The following DNAJC11 variants were observed in gnomAD, a reference collection of about 807,000 sequenced individuals.
DNAJC11 encodes the protein DnaJ heat shock protein family (Hsp40) member C11.
A neutral mutation model predicts 78.6 loss-of-function variants in DNAJC11; 15 were observed. That is an observed-to-expected ratio of 0.19 (90% CI 0.13 to 0.29). The LOEUF (loss-of-function observed/expected upper bound fraction) is 0.29. Ranked by LOEUF, DNAJC11 falls within the 10% of genes least tolerant of loss-of-function variation. DNAJC11 has a pLI of 1.00. For synonymous variants in DNAJC11, 292 were observed against 272.1 expected, an observed-to-expected ratio of 1.07 and a Z score of -0.72; for missense variants, 547 against 709.6, an observed-to-expected ratio of 0.77 and a Z score of 2.60.
chr1:6,637,375 C>G, intron 13 of DNAJC11, 35 bp from the exon 14 acceptor site: 1 of 1,614,206 alleles, frequency 6.2e-7, no homozygotes, highest in Non-Finnish European at 8.5e-7. Context: ...AAGGCCTCCT[C>G]CAGGCACCTC....
At chr1:6,638,081 A>G (rs1641814999) in intron 12 of DNAJC11, 1 of 480,478 alleles carries the variant, frequency 2.1e-6, no homozygotes, top group Non-Finnish European at 3.7e-6. Flanking sequence ...GCCAATACTC[A>G]CCACTTTAAA....
At chr1:6,668,790 T>C (rs1642331195) in intron 3 of DNAJC11, among the ~76,000 whole-genome samples, 1 of 152,088 alleles carries the variant, frequency 6.6e-6, no homozygotes, top group Non-Finnish European at 1.5e-5. Context: ...ATATGAACCT[T>C]AGAATGTGGG....
intron 10 of DNAJC11, among the ~76,000 whole-genome samples, chr1:6,640,643 C>T (rs1436048481): frequency 1.3e-5 from 2 of 152,014 alleles, no homozygotes; most frequent in African/African-American, 4.8e-5. Context: ...ACCAGCCTGG[C>T]CAACATGGTG....
At chr1:6,659,717 T>C (rs1642179642) in intron 4 of DNAJC11, among the ~76,000 whole-genome samples, 1 of 151,568 alleles carries the variant, frequency 6.6e-6, no homozygotes, top group Non-Finnish European at 1.5e-5. Context: ...GCCAGGACAG[T>C]GCCACTGCAC....
intron 4 of DNAJC11, among the ~76,000 whole-genome samples, chr1:6,664,396 C>A (rs557121737): frequency 6.6e-6 from 1 of 152,098 alleles, no homozygotes; most frequent in African/African-American, 2.4e-5. Context: ...CCTGCCACCA[C>A]ACCCGGCTAA....
At chr1:6,647,353 G>A (rs2148731104) in intron 7 of DNAJC11, among the ~76,000 whole-genome samples, 1 of 152,078 alleles carries the variant, frequency 6.6e-6, no homozygotes, top group East Asian at 1.9e-4. Context: ...AAAGTGCTGG[G>A]ATTATAGGCA....
At chr1:6,636,009 G>C in intron 15 of DNAJC11, 108 bp downstream of exon 15, 4 of 1,439,052 alleles carry the variant, frequency 2.8e-6, no homozygotes, top group Non-Finnish European at 3.7e-6. Flanking sequence ...TCTGCTCCCA[G>C]GTGGGCAGCT....
rs1642168955 is a variant in DNAJC11 at position 6,658,907 on chromosome 1, A to G, written c.379-4868T>C. 1.3e-5 allele frequency among the ~76,000 whole-genome samples: 2 copies of G among 152,216 alleles called. 1 individual carries two copies. The highest frequency in any genetic ancestry group is 4.8e-5 in the African/African-American group (2 of 41,454). ...CCTGATCCAAGTTAATACAGCCCAG[A>G]TAGGAGCAATGCCTGCCGGCCCTGG... On this transcript the variant is annotated intron_variant, in intron 4 of 15. Transcript: ENST00000377577.
chr1:6,666,385 CTTTTTTTTTT>C (rs767579276), intron 4 of DNAJC11, among the ~76,000 whole-genome samples: 1 of 120,618 alleles, frequency 8.3e-6, no homozygotes, highest in Non-Finnish European at 1.8e-5. Flanking sequence ...TCTTTCTTTT[CTTTTTTTTTT>C]TTTTTTTTTG....
intron 7 of DNAJC11, chr1:6,651,306 G>T: frequency 1.5e-6 from 1 of 655,812 alleles, no homozygotes; most frequent in Non-Finnish European, 2.8e-6. Context: ...GGATGGTGCA[G>T]CCTGGCCAGG....
intron 4 of DNAJC11, among the ~76,000 whole-genome samples, chr1:6,662,128 G>GT (rs1222028818): frequency 0.27 from 36,762 of 136,584 alleles, 4,980 homozygotes; most frequent in Middle Eastern, 0.31. Flanking sequence ...ATTGTTTTTT[G>GT]TTTTTTGTTT....
intron 4 of DNAJC11, among the ~76,000 whole-genome samples, chr1:6,660,218 G>A (rs1469735641): frequency 4.0e-5 from 6 of 149,486 alleles, no homozygotes; most frequent in Non-Finnish European, 8.9e-5. Context: ...GTGCAGTGGC[G>A]AGATCTCAGC....
chr1:6,667,860 G>A (rs1642316273), intron 3 of DNAJC11, 50 bp from the exon 4 acceptor site: 2 of 1,542,556 alleles, frequency 1.3e-6, no homozygotes, highest in East Asian at 4.5e-5. Context: ...AGGAGGTAAG[G>A]GAAACGTACA....
At position 6,680,643 on chromosome 1, in the gene DNAJC11, C is replaced by T. The variant is rs570518101; in HGVS notation, c.202+265G>A. Among the ~76,000 whole-genome samples the T allele has an allele frequency of 1.2e-4, 19 of 152,278 alleles. No homozygotes were observed. The highest frequency in any genetic ancestry group is 2.2e-4 in the African/African-American group (9 of 41,542). On this transcript the variant is annotated intron_variant, in intron 2 of 15. Coordinates refer to ENST00000377577, the MANE Select transcript of DNAJC11 (RefSeq NM_018198.4). This position sits in a 1 kb window ranked among gnomAD's most constrained non-coding sequence, Gnocchi z 4.0. ...TTCCCTTTAGAAGAAAACTGGTAAA[C>T]GATTTAAAACTTGAGTATTCCCTTG... is the stretch of plus-strand genomic sequence containing the variant.
In DNAJC11 at chr1:6,636,062, C is replaced by A. The variant is rs563438326; in HGVS notation, c.1654+55G>T. ...GCTGGCAGCCCACACACTGAGCAGCCGCTTCGAGGTCCCCGCCCCCGTTAG... is the reference window on the plus strand; with the variant it reads ...GCTGGCAGCCCACACACTGAGCAGCAGCTTCGAGGTCCCCGCCCCCGTTAG... On this transcript the variant is annotated intron_variant, in intron 15 of 15. Coordinates refer to ENST00000377577, the MANE Select transcript of DNAJC11 (RefSeq NM_018198.4). 12 of 1,569,522 alleles carry A rather than the reference C, an allele frequency of 7.6e-6. No homozygotes were observed. The South Asian group carries it at 1.2e-4, about 16-fold the overall frequency.
chr1:6,644,490 T>C (rs1641936078), intron 10 of DNAJC11, 68 bp downstream of exon 10: 3 of 1,166,616 alleles, frequency 2.6e-6, no homozygotes, highest in Non-Finnish European at 3.9e-6. Flanking sequence ...CAGCCTTAAC[T>C]TGGGTAAAGC....
intron 11 of DNAJC11, 35 bp from the exon 12 acceptor site, chr1:6,638,399 C>T (rs771044478): frequency 1.1e-5 from 17 of 1,596,226 alleles, no homozygotes; most frequent in South Asian, 4.5e-5. Flanking sequence ...CACGTTAGCG[C>T]GGCGCTGCCC....
intron 7 of DNAJC11, among the ~76,000 whole-genome samples, chr1:6,649,004 T>G (rs367758634): frequency 6.6e-6 from 1 of 152,096 alleles, no homozygotes; most frequent in African/African-American, 2.4e-5. Flanking sequence ...TTAAAAAAAA[T>G]TTTTCTCGGT....
intron 3 of DNAJC11, among the ~76,000 whole-genome samples, 164 bp downstream of exon 3, chr1:6,678,230 A>G (rs1393310657): frequency 6.6e-6 from 1 of 152,256 alleles, no homozygotes; most frequent in Admixed American, 6.5e-5. Context: ...TGGCAAAGCC[A>G]AGTCCAAAAC....
Sources: allele counts gnomAD v4.1 joint callset (sites outside exome capture counted in the v4.1 genomes callset), GRCh38; gene constraint gnomAD v4.1.1; non-coding constraint Gnocchi (gnomAD v3.1); transcripts MANE v1.5; gene names NCBI Gene and HGNC (gene_info 2026-07-23, HGNC 2026-07-21).